Variants in GRID2 observed in about 807,000 individuals in gnomAD.
GRID2 encodes the protein glutamate receptor ionotropic, delta-2.
A neutral mutation model predicts 114.8 loss-of-function variants in GRID2; 33 were observed. The observed-to-expected ratio is 0.29, with a 90% CI of 0.22 to 0.38. The LOEUF (loss-of-function observed/expected upper bound fraction) is 0.38, where lower values mean the gene tolerates loss of function less well. Ranked by LOEUF, GRID2 falls within the 10% of genes least tolerant of loss-of-function variation. The probability of loss-of-function intolerance (pLI) is 1.00; values close to 1 mark genes in which losing one functional copy is unlikely to be tolerated. For synonymous variants in GRID2, 505 were observed against 449.9 expected (o/e 1.12, Z -1.55); for missense variants, 1,184 against 1,257.7 (o/e 0.94, Z 0.89).
intron 13 of GRID2, among the ~76,000 whole-genome samples, chr4:93,567,669 G>A (rs1189574563): frequency 7.9e-5 from 12 of 152,152 alleles, no homozygotes; most frequent in African/African-American, 2.2e-4. Context: ...TTTCACTTGC[G>A]TTGTGCCAGA....
intron 2 of GRID2, among the ~76,000 whole-genome samples, chr4:92,889,453 C>A (rs1746593662): frequency 1.3e-5 from 2 of 152,082 alleles, no homozygotes; most frequent in Admixed American, 6.5e-5. Context: ...GTGCAAAAAT[C>A]ACAGGCATTC....
intron 2 of GRID2, among the ~76,000 whole-genome samples, chr4:92,723,897 T>C (rs1488113865): frequency 2.0e-5 from 3 of 152,142 alleles, no homozygotes; most frequent in Non-Finnish European, 4.4e-5. Flanking sequence ...AATGAGCATA[T>C]TCAAAATAGC....
chr4:93,456,293 G>C (rs551289106), intron 11 of GRID2, among the ~76,000 whole-genome samples: 1 of 152,084 alleles, frequency 6.6e-6, no homozygotes, highest in Non-Finnish European at 1.5e-5. Context: ...CTGAGAAATA[G>C]CCTTATAAGG....
chr4:93,591,800 G>T (rs377658543), intron 13 of GRID2, among the ~76,000 whole-genome samples: 1 of 152,082 alleles, frequency 6.6e-6, no homozygotes. Context: ...TGTATGTGTC[G>T]AGGAATTTAT....
At chr4:92,365,752 T>C (rs2110209127) in intron 1 of GRID2, among the ~76,000 whole-genome samples, 1 of 152,154 alleles carries the variant, frequency 6.6e-6, no homozygotes, top group Non-Finnish European at 1.5e-5. Context: ...TTCCATAATG[T>C]AATACAATTA....
chr4:93,477,959 T>C (rs1725479294), intron 11 of GRID2, among the ~76,000 whole-genome samples: 1 of 152,140 alleles, frequency 6.6e-6, no homozygotes, highest in Non-Finnish European at 1.5e-5. Flanking sequence ...TTCTTAACAT[T>C]GCACTTAAGA....
intron 1 of GRID2, among the ~76,000 whole-genome samples, chr4:92,460,062 A>ATATATATAT (rs1721422561): frequency 7.5e-6 from 1 of 133,968 alleles, no homozygotes; most frequent in African/African-American, 2.9e-5. Flanking sequence ...ATACACACAC[A>ATATATATAT]ACTTTTTGGT....
At chr4:93,374,716 C>T (rs906717725) in intron 8 of GRID2, among the ~76,000 whole-genome samples, 2 of 152,010 alleles carry the variant, frequency 1.3e-5, no homozygotes, top group African/African-American at 4.8e-5. Context: ...GAATACATTC[C>T]TAGAAGATAA....
intron 1 of GRID2, among the ~76,000 whole-genome samples, chr4:92,350,832 C>T (rs1253223485): frequency 6.6e-6 from 1 of 151,746 alleles, no homozygotes; most frequent in Non-Finnish European, 1.5e-5. Flanking sequence ...CTCCAATTTT[C>T]CCCAAATGCC....
intron 4 of GRID2, among the ~76,000 whole-genome samples, chr4:93,140,057 A>G (rs1368057772): frequency 6.6e-6 from 1 of 152,098 alleles, no homozygotes; most frequent in African/African-American, 2.4e-5. Flanking sequence ...TATGAAACAG[A>G]AGTTACAAAA....
intron 7 of GRID2, among the ~76,000 whole-genome samples, chr4:93,238,014 G>A (rs1747004978): frequency 2.0e-5 from 3 of 151,792 alleles, no homozygotes; most frequent in African/African-American, 2.4e-5. Flanking sequence ...CACTCCAGAA[G>A]CATCTTGTTT....
intron 2 of GRID2, among the ~76,000 whole-genome samples, chr4:92,932,815 A>G (rs1750350796): frequency 6.6e-6 from 1 of 151,354 alleles, no homozygotes; most frequent in Admixed American, 6.6e-5. Flanking sequence ...TATAAAAAGT[A>G]TATATCATAT....
intron 2 of GRID2, among the ~76,000 whole-genome samples, chr4:92,795,249 G>T (rs1739806852): frequency 6.6e-6 from 1 of 151,846 alleles, no homozygotes; most frequent in East Asian, 2.0e-4. Flanking sequence ...GAGGGACCCA[G>T]TGGGAGGTAA....
intron 14 of GRID2, among the ~76,000 whole-genome samples, chr4:93,677,878 C>A (rs977497097): frequency 6.6e-6 from 1 of 151,954 alleles, no homozygotes; most frequent in African/African-American, 2.4e-5. Context: ...GAGCGCCTCT[C>A]CTCCTCCAAA....
At chr4:93,250,892 G>A (rs778070870) in intron 8 of GRID2, among the ~76,000 whole-genome samples, 22 of 151,688 alleles carry the variant, frequency 1.5e-4, no homozygotes, top group Non-Finnish European at 2.8e-4. Flanking sequence ...TTAAAACATG[G>A]TTGTGAGTGG....
chr4:93,454,052 A>G (rs910250268), intron 10 of GRID2, among the ~76,000 whole-genome samples: 75 of 152,098 alleles, frequency 4.9e-4, no homozygotes, highest in African/African-American at 1.7e-3. Flanking sequence ...CCCAATTCCC[A>G]ATATCTTGCT....
intron 1 of GRID2, among the ~76,000 whole-genome samples, chr4:93,786,417 A>G (rs1462467525): frequency 1.3e-5 from 2 of 152,222 alleles, no homozygotes; most frequent in South Asian, 2.1e-4. Flanking sequence ...AAATGCAAAT[A>G]TGAAGGAGCC....
intron 14 of GRID2, among the ~76,000 whole-genome samples, chr4:93,690,488 T>C (rs1035277404): frequency 6.6e-6 from 1 of 151,978 alleles, no homozygotes; most frequent in African/African-American, 2.4e-5. Context: ...TTCCCAGAAA[T>C]GTATTATTAA....
intron 5 of GRID2, among the ~76,000 whole-genome samples, chr4:93,209,580 T>G (rs559573213): frequency 5.9e-5 from 9 of 152,226 alleles, no homozygotes; most frequent in African/African-American, 2.2e-4. Flanking sequence ...GTCTTTATGA[T>G]AAAACAATTT....
Sources: gnomAD v4.1 joint callset for allele counts (sites outside exome capture counted in the v4.1 genomes callset) on GRCh38, gnomAD v4.1.1 for gene constraint, MANE v1.5 for transcripts, NCBI Gene and HGNC (gene_info 2026-07-23, HGNC 2026-07-21) for gene names.